Variants in SYNE1 observed in about 807,000 individuals in gnomAD.
SYNE1 encodes nesprin-1.
SYNE1 carries 616 observed loss-of-function variants against 1,111.0 expected under a neutral mutation model. The ratio of observed to expected loss-of-function variants is 0.55; its 90% CI spans 0.52 to 0.59. The LOEUF is 0.59. Ranked by LOEUF, SYNE1 falls within the 20% of genes least tolerant of loss-of-function variation. The probability of loss-of-function intolerance (pLI) is 0.00; values close to 1 mark genes in which losing one functional copy is unlikely to be tolerated. For missense variants in SYNE1, 10,006 were observed against 10,417.0 expected (o/e 0.96, Z 1.72); for synonymous variants, 3,855 against 3,825.8 (o/e 1.01, Z -0.28).
intron 62 of SYNE1, among the ~76,000 whole-genome samples, chr6:152,366,259 G>A (rs1227548129): frequency 2.0e-5 from 3 of 152,146 alleles, no homozygotes; most frequent in Admixed American, 2.0e-4. Flanking sequence ...TTGAACCCAG[G>A]AGGCAGAGGT....
At chr6:152,188,984 AATATATATATATATAT>A (rs1190850842) in intron 128 of SYNE1, among the ~76,000 whole-genome samples, 7 of 23,002 alleles carry the variant, frequency 3.0e-4, no homozygotes, top group East Asian at 3.2e-3. Context: ...AAAAAAAAAA[AATATATATATATATAT>A]ATATATATAT....
At position 152,211,738 on chromosome 6, in the gene SYNE1, A is replaced by C. The variant is rs1052519513; in HGVS notation, c.22495-150T>G. 166 of 669,512 alleles carry C rather than the reference A, an allele frequency of 2.5e-4. 3 individuals carry two copies. The highest frequency in any genetic ancestry group is 5.2e-5 in the Non-Finnish European group (20 of 386,368). The allele number at this position is 669,512 out of a possible 1,614,324, so 41.5% of individuals were successfully genotyped here. A position where few individuals can be genotyped will look rare whatever the true frequency, so the allele number is the denominator to read the frequency against. ...AATGTGTGAAATCCTGCAGTTTAGG[A>C]ATCATTTATTTTTAAATCATCAATT... On this transcript the variant is annotated intron_variant, in intron 123 of 145. Coordinates refer to ENST00000367255, the MANE Select transcript of SYNE1 (RefSeq NM_182961.4).
intron 115 of SYNE1, among the ~76,000 whole-genome samples, chr6:152,230,305 C>T (rs2082492335): frequency 1.3e-5 from 2 of 152,062 alleles, no homozygotes; most frequent in Non-Finnish European, 2.9e-5. Context: ...CATAGCATTT[C>T]TCTCTACTTA....
chr6:152,629,490 G>C (rs2099693334), intron 2 of SYNE1, among the ~76,000 whole-genome samples: 2 of 134,498 alleles, frequency 1.5e-5, no homozygotes, highest in African/African-American at 2.7e-5. Context: ...ACAGGTGTGA[G>C]CCACCGTGCC....
At chr6:152,539,182 GA>G (rs146487346) in intron 4 of SYNE1, among the ~76,000 whole-genome samples, 4,594 of 152,228 alleles carry the variant, frequency 0.03, 255 homozygotes, top group African/African-American at 0.1. Flanking sequence ...TTATTGACTT[GA>G]AGGGAGAGTC....
At chr6:152,163,621 A>C (rs1195115793) in intron 131 of SYNE1, among the ~76,000 whole-genome samples, 1 of 151,958 alleles carries the variant, frequency 6.6e-6, no homozygotes, top group Admixed American at 6.6e-5. Flanking sequence ...CGCCAGTGAG[A>C]TATTCTGTCT....
intron 97 of SYNE1, among the ~76,000 whole-genome samples, chr6:152,279,453 C>T (rs927268834): frequency 2.0e-5 from 3 of 151,676 alleles, no homozygotes; most frequent in African/African-American, 7.3e-5. Flanking sequence ...TGGTGGCTCT[C>T]ACCTGTAATC....
chr6:152,523,558 T>C (rs1281110801), intron 5 of SYNE1, among the ~76,000 whole-genome samples: 1 of 152,132 alleles, frequency 6.6e-6, no homozygotes, highest in East Asian at 1.9e-4. Context: ...TCCACGTGAA[T>C]TTTAGAATTG....
intron 56 of SYNE1, among the ~76,000 whole-genome samples, chr6:152,379,524 C>T (rs1027997474): frequency 1.3e-5 from 2 of 152,028 alleles, no homozygotes; most frequent in Non-Finnish European, 2.9e-5. Flanking sequence ...CAAAACAATG[C>T]CCTAAGAACC....
At chr6:152,209,942 T>A (rs1389174921) in intron 124 of SYNE1, among the ~76,000 whole-genome samples, 2 of 152,026 alleles carry the variant, frequency 1.3e-5, no homozygotes, top group Non-Finnish European at 2.9e-5. Flanking sequence ...GACTTGAGAA[T>A]ATCGTATAAT....
chr6:152,163,665 C>T (rs906368950), intron 131 of SYNE1, among the ~76,000 whole-genome samples: 6 of 151,978 alleles, frequency 3.9e-5, no homozygotes, highest in Admixed American at 6.6e-5. Flanking sequence ...TTACTGTGTG[C>T]GATCTGCAGG....
intron 16 of SYNE1, among the ~76,000 whole-genome samples, chr6:152,470,872 T>C (rs957445388): frequency 2.0e-4 from 30 of 152,230 alleles, no homozygotes; most frequent in African/African-American, 7.2e-4. Context: ...ATTTGTAGGA[T>C]GGCCATGTTT....
rs77983454 is a variant in SYNE1 at position 152,632,193 on chromosome 6, A to G, written c.-223-3639T>C. Among the ~76,000 whole-genome samples the G allele has an allele frequency of 2.8e-3, 433 of 152,288 alleles. 2 individuals carry two copies. Among genetic ancestry groups the G allele is most frequent in the African/African-American group, 0.01 (423 of 41,554 alleles). ...TGCAAAATCTCATTCATTGACACCAAGTATATCCCTGACCACATCCTAGGC... is the reference window on the plus strand; with the variant it reads ...TGCAAAATCTCATTCATTGACACCAGGTATATCCCTGACCACATCCTAGGC... On this transcript the variant is annotated intron_variant, in intron 2 of 145. Transcript: ENST00000367255.
intron 11 of SYNE1, among the ~76,000 whole-genome samples, chr6:152,495,374 C>T (rs1022512365): frequency 2.0e-5 from 3 of 152,232 alleles, no homozygotes; most frequent in African/African-American, 7.2e-5. Flanking sequence ...GCCTCCCGCT[C>T]TACCCAGTTG....
In SYNE1 at chr6:152,149,582, G is replaced by A. The variant is rs1054467800; in HGVS notation, c.24537C>T (p.Pro8179=). 6.2e-7 allele frequency: 1 copy of A among 1,613,980 alleles called. No individual in the cohort carries two copies. The highest frequency in any genetic ancestry group is 1.3e-5 in the African/African-American group (1 of 74,902). ...QGEQLIEKSE[P]LDAAIIEEEL... is the part of the protein sequence containing the mutation. The stretch of plus-strand genomic sequence containing the variant: ...CCTCCTCGATGATCGCTGCATCCAA[G>A]GGCTCACTCTTTTCTATCAGCTGTT... Residue 8179 remains proline (P), a synonymous_variant, in exon 136 of 146, where the codon CCC becomes CCT. Coordinates refer to ENST00000367255, the MANE Select transcript of SYNE1 (RefSeq NM_182961.4).
chr6:152,557,851 T>C lies in SYNE1; in HGVS notation c.68-17830A>G, dbSNP rs1354000802. Among the ~76,000 whole-genome samples the C allele has an allele frequency of 4.6e-5, 7 of 151,590 alleles. No homozygotes were observed. The South Asian group carries it at 8.3e-4, about 18-fold the overall frequency. On this transcript the variant is annotated intron_variant, in intron 3 of 145. Coordinates refer to ENST00000367255, the MANE Select transcript of SYNE1 (RefSeq NM_182961.4). ...TTGAGTTAAAATAAAAGAAAGCTAA[T>C]TAACAAAATGAAAATATATGAAAGT...
At chr6:152,579,108 C>A (rs1038479504) in intron 3 of SYNE1, among the ~76,000 whole-genome samples, 1 of 152,100 alleles carries the variant, frequency 6.6e-6, no homozygotes, top group South Asian at 2.1e-4. Context: ...TAGAAGATTG[C>A]ATTTTCCAAA....
rs118043259 is a variant in SYNE1 at position 152,362,277 on chromosome 6, C to A, written c.10192G>T (p.Val3398Phe). ...LSKWTSYQDG[V>F]RQFSGWMDSM... ...TCCATCCAACCGGAGAACTGTCGAACGCCATCCTGATAACTTGTCCACTTG... is the reference window on the plus strand; with the variant it reads ...TCCATCCAACCGGAGAACTGTCGAAAGCCATCCTGATAACTTGTCCACTTG... The change falls in exon 64 of 146, where the codon GTT becomes TTT. Residue 3398 changes from valine (V) to phenylalanine (F), a missense_variant. By Grantham distance (50) the Val-to-Phe change is conservative (BLOSUM62 -1). Transcript: ENST00000367255. The A allele has an allele frequency of 5.6e-6, 9 of 1,614,220 alleles. No homozygotes were observed. The East Asian group carries it at 6.7e-5, about 12-fold the overall frequency.
chr6:152,177,620 C>T (rs779713618), intron 129 of SYNE1, among the ~76,000 whole-genome samples: 2 of 152,314 alleles, frequency 1.3e-5, no homozygotes, highest in Non-Finnish European at 1.5e-5. Flanking sequence ...CCAGGGCTGA[C>T]TGCTGTCCTC....
Sources: allele counts gnomAD v4.1 joint callset (sites outside exome capture counted in the v4.1 genomes callset), GRCh38; gene constraint gnomAD v4.1.1; transcripts MANE v1.5; gene names NCBI Gene and HGNC (gene_info 2026-07-23, HGNC 2026-07-21).